ZBTB20: variants seen among roughly 807,000 people sequenced by gnomAD.
ZBTB20 encodes zinc finger and BTB domain containing 20, also known as zinc finger and BTB domain-containing protein 20.
In ZBTB20, 9 loss-of-function variants were observed where a neutral mutation model predicts 56.9. That is an observed-to-expected ratio of 0.16 (90% confidence interval 0.10 to 0.28). The LOEUF (loss-of-function observed/expected upper bound fraction) is 0.28, where lower values mean the gene tolerates loss of function less well. ZBTB20 is among the 10% of genes least tolerant of loss of function. The pLI, the probability that ZBTB20 is intolerant of heterozygous loss-of-function variation, is 1.00. For synonymous variants in ZBTB20, 417 were observed against 420.7 expected, an observed-to-expected ratio of 0.99 and a Z score of 0.11; for missense variants, 655 against 1,003.0, an observed-to-expected ratio of 0.65 and a Z score of 4.69.
At chr3:114,668,430 T>C (rs1041788103) in intron 6 of ZBTB20, among the ~76,000 whole-genome samples, 5 of 152,032 alleles carry the variant, frequency 3.3e-5, no homozygotes, top group Non-Finnish European at 7.4e-5. Context: ...GTACTTGAAA[T>C]CAGGTTAATT....
rs1268029682 is a variant in ZBTB20, at chr3:114,324,359, T to C, written c.*14646A>G. On this transcript the variant is annotated 3_prime_UTR_variant, in exon 12 of 12. Transcript: ENST00000675478. ...GTCCTAAATTTAACAGTGCTGGGCT[T>C]TTATTTTTGAATAGTGCAATCAGCT... 1 of 152,190 alleles carries C rather than the reference T, an allele frequency of 6.6e-6. No homozygotes were observed. Among genetic ancestry groups the C allele is most frequent in the Non-Finnish European group, 1.5e-5 (1 of 68,032 alleles). The allele number at this position is 152,190 out of a possible 1,614,324, so 9.4% of individuals were successfully genotyped here.
chr3:114,653,412 C>A (rs998064795), intron 6 of ZBTB20, among the ~76,000 whole-genome samples: 2 of 151,876 alleles, frequency 1.3e-5, no homozygotes, highest in African/African-American at 4.8e-5. Context: ...TATTAGGATG[C>A]ATTTACAGTG....
At chr3:114,811,167 T>C (rs370464476) in intron 4 of ZBTB20, among the ~76,000 whole-genome samples, 1 of 152,204 alleles carries the variant, frequency 6.6e-6, no homozygotes, top group East Asian at 1.9e-4. Flanking sequence ...AGCTCAGAGA[T>C]CTAAGCAGGT....
intron 6 of ZBTB20, among the ~76,000 whole-genome samples, chr3:114,587,330 GAATGAGGCTT>G (rs1301657789): frequency 6.6e-6 from 1 of 152,054 alleles, no homozygotes; most frequent in Non-Finnish European, 1.5e-5. Context: ...GAACATAACA[GAATGAGGCTT>G]TGAAGCAGAC....
chr3:114,344,781 C>T (rs1021430494), intron 11 of ZBTB20, among the ~76,000 whole-genome samples: 1 of 152,132 alleles, frequency 6.6e-6, no homozygotes, highest in African/African-American at 2.4e-5. Context: ...TATTATGGCC[C>T]AATCACCAAC....
At chr3:114,680,399 A>G (rs2061898105) in intron 6 of ZBTB20, among the ~76,000 whole-genome samples, 1 of 152,220 alleles carries the variant, frequency 6.6e-6, no homozygotes, top group Admixed American at 6.5e-5. Context: ...GAAGCTATTT[A>G]TCTCCAAGTT....
chr3:114,694,137 T>C (rs2062857883), intron 5 of ZBTB20, among the ~76,000 whole-genome samples: 1 of 152,074 alleles, frequency 6.6e-6, no homozygotes, highest in African/African-American at 2.4e-5. Flanking sequence ...TAAGTATAAA[T>C]AAATGTATAA....
Position 115,035,888 on chromosome 3 carries a change from T to C in ZBTB20, c.-507+35331A>G, listed in dbSNP as rs192801705. 2.2e-3 allele frequency among the ~76,000 whole-genome samples: 332 copies of C among 152,330 alleles called. 2 individuals carry two copies. Among genetic ancestry groups the C allele is most frequent in the South Asian group, 8.1e-3 (39 of 4,826 alleles). ...ATATACACAATGGAATATTATTCAG[T>C]CTTAAAAAGTAAGGAAATTGTGACA... On this transcript the variant is annotated intron_variant, in intron 2 of 11. Coordinates refer to ENST00000675478, the MANE Select transcript of ZBTB20 (RefSeq NM_001348800.3).
At chr3:114,427,669 T>C (rs1283202601) in intron 7 of ZBTB20, among the ~76,000 whole-genome samples, 2 of 152,242 alleles carry the variant, frequency 1.3e-5, no homozygotes, top group African/African-American at 4.8e-5. Context: ...GTAAATAGTC[T>C]CCAAAAATAA....
intron 3 of ZBTB20, among the ~76,000 whole-genome samples, chr3:114,917,565 C>T (rs1428218153): frequency 6.6e-6 from 1 of 152,142 alleles, no homozygotes; most frequent in Admixed American, 6.5e-5. Context: ...TTGGTCAATG[C>T]AGCTGTGTCT....
intron 6 of ZBTB20, among the ~76,000 whole-genome samples, chr3:114,518,306 G>A (rs1474637065): frequency 6.6e-6 from 1 of 151,828 alleles, no homozygotes; most frequent in African/African-American, 2.4e-5. Flanking sequence ...CTCTCCAGAG[G>A]AAAGGGGCCA....
chr3:114,385,714 A>G (rs2085033351), intron 8 of ZBTB20, among the ~76,000 whole-genome samples: 1 of 152,124 alleles, frequency 6.6e-6, no homozygotes, highest in Admixed American at 6.5e-5. Flanking sequence ...CAAAAATTCA[A>G]AAATTAGCTG....
At chr3:114,728,121 G>C (rs2065442371) in intron 5 of ZBTB20, among the ~76,000 whole-genome samples, 1 of 152,142 alleles carries the variant, frequency 6.6e-6, no homozygotes, top group African/African-American at 2.4e-5. Context: ...AACAACATGA[G>C]GCCTCTAATG....
At chr3:114,764,206 C>T (rs2108711126) in intron 5 of ZBTB20, among the ~76,000 whole-genome samples, 2 of 150,310 alleles carry the variant, frequency 1.3e-5, no homozygotes. Flanking sequence ...CAGCCATGTT[C>T]CTGAAGTATC....
At chr3:114,602,919 A>G (rs376563623) in intron 6 of ZBTB20, among the ~76,000 whole-genome samples, 4 of 152,030 alleles carry the variant, frequency 2.6e-5, no homozygotes, top group Non-Finnish European at 4.4e-5. Context: ...TATTTTATAC[A>G]AAGGGAAATC....
intron 6 of ZBTB20, among the ~76,000 whole-genome samples, chr3:114,502,240 T>C (rs376355338): frequency 3.9e-5 from 6 of 152,270 alleles, no homozygotes; most frequent in African/African-American, 1.2e-4. Flanking sequence ...CAAACTTCAC[T>C]AAAGGAGATC....
Position 114,325,655 on chromosome 3 carries a change from A to T in ZBTB20, c.*13350T>A, listed in dbSNP as rs1232435371. 6.6e-6 allele frequency: 1 copy of T among 152,148 alleles called. No homozygotes were observed. Among genetic ancestry groups the T allele is most frequent in the Non-Finnish European group, 1.5e-5 (1 of 68,030 alleles). 9.4% of individuals were successfully genotyped at this position (152,148 alleles called of 1,614,324 possible). On this transcript the variant is annotated 3_prime_UTR_variant, in exon 12 of 12. Coordinates refer to ENST00000675478, the MANE Select transcript of ZBTB20 (RefSeq NM_001348800.3). ...GGTAACCTTGACAACTGGCTTTAGG[A>T]ATCCAGACCTGTATCAAATTTGGTC... is the stretch of plus-strand genomic sequence containing the variant.
intron 5 of ZBTB20, among the ~76,000 whole-genome samples, chr3:114,790,776 T>G (rs985608552): frequency 2.9e-5 from 4 of 139,022 alleles, no homozygotes; most frequent in Non-Finnish European, 4.7e-5. Flanking sequence ...TAACAGTAAG[T>G]TTTTTTTTTT....
chr3:114,509,446 G>GGTGGTT (rs1210789131), intron 6 of ZBTB20, among the ~76,000 whole-genome samples: 2 of 151,594 alleles, frequency 1.3e-5, no homozygotes, highest in Non-Finnish European at 2.9e-5. Context: ...TGGTGGTGGT[G>GGTGGTT]GTGGTGGCAA....
Sources: gnomAD v4.1 joint callset for allele counts (sites outside exome capture counted in the v4.1 genomes callset) on GRCh38, gnomAD v4.1.1 for gene constraint, MANE v1.5 for transcripts, NCBI Gene and HGNC (gene_info 2026-07-23, HGNC 2026-07-21) for gene names.